The following DYNC2H1 variants were observed in gnomAD, a reference collection of about 807,000 sequenced individuals.
DYNC2H1 encodes dynein cytoplasmic 2 heavy chain 1, also known as cytoplasmic dynein 2 heavy chain 1.
DYNC2H1 carries 410 observed loss-of-function variants against 570.0 expected under a neutral mutation model. The ratio of observed to expected loss-of-function variants is 0.72; its 90% CI spans 0.66 to 0.78. The LOEUF (loss-of-function observed/expected upper bound fraction) is 0.78, where lower values mean the gene tolerates loss of function less well. DYNC2H1 is among the 30% of genes least tolerant of loss of function. The pLI is 0.00. For synonymous variants in DYNC2H1, 1,688 were observed against 1,677.6 expected, an observed-to-expected ratio of 1.01 and a Z score of -0.15; for missense variants, 4,865 against 5,046.4, an observed-to-expected ratio of 0.96 and a Z score of 1.09.
chr11:103,323,380 A>G lies in DYNC2H1; in HGVS notation c.11935-506A>G, dbSNP rs558608902. On this transcript the variant is annotated intron_variant, in intron 81 of 88. Coordinates refer to ENST00000375735, the MANE Select transcript of DYNC2H1 (RefSeq NM_001377.3). ...ACTGAAGACTAACTGGAATTGCTCTATTATAAAGCAATTTACAAAGCAGTG... is the reference window on the plus strand; with the variant it reads ...ACTGAAGACTAACTGGAATTGCTCTGTTATAAAGCAATTTACAAAGCAGTG... Among the ~76,000 whole-genome samples the G allele has an allele frequency of 3.5e-4, 52 of 147,800 alleles. 1 individual carries two copies. In the South Asian group the frequency reaches 0.011, roughly 32 times the overall value.
In DYNC2H1 at chr11:103,261,839, G is replaced by A. The variant is rs1427223505; in HGVS notation, c.10695+1862G>A. ...TGCCAGCAAGGGAACAAAACTGGAC[G>A]GAGAATGAGTTTGATGAACTGACAG... On this transcript the variant is annotated intron_variant, in intron 70 of 88. Coordinates refer to ENST00000375735, the MANE Select transcript of DYNC2H1 (RefSeq NM_001377.3). This position sits in a 1 kb window ranked among gnomAD's most constrained non-coding sequence, Gnocchi z 4.8. Among the ~76,000 whole-genome samples the A allele has an allele frequency of 6.6e-6, 1 of 152,230 alleles. No homozygotes were observed. Among genetic ancestry groups the A allele is most frequent in the South Asian group, 2.1e-4 (1 of 4,822 alleles).
In DYNC2H1 at chr11:103,156,502, C is replaced by G. The variant is rs756002632; in HGVS notation, c.3859C>G (p.Arg1287Gly). The change falls in exon 26 of 89, where the codon CGA (arginine) becomes GGA (glycine). Residue 1287 changes from arginine to glycine, a missense_variant. By Grantham distance (125) the Arg-to-Gly change is moderately radical (BLOSUM62 -2). This residue lies in a region of DYNC2H1 where 1,936 missense variants were observed against 1,962.1 expected (regional missense o/e 0.99). Transcript: ENST00000375735. Reference protein sequence around the residue: ...TLIDYEDSQSRTMKLIKDWKD... With the variant: ...TLIDYEDSQSGTMKLIKDWKD... ...AATTGATTATGAAGACAGCCAAAGT[C>G]GAACTATGAAGCTGATTAAAGACTG... 6.2e-7 allele frequency: 1 copy of G among 1,613,518 alleles called. No homozygotes were observed. Among genetic ancestry groups the G allele is most frequent in the East Asian group, 2.2e-5 (1 of 44,852 alleles).
intron 6 of DYNC2H1, among the ~76,000 whole-genome samples, chr11:103,119,578 C>T (rs1858592557): frequency 6.6e-6 from 1 of 152,060 alleles, no homozygotes; most frequent in Admixed American, 6.6e-5. Context: ...GACCTCAGGT[C>T]ATCCGCCCAC....
intron 69 of DYNC2H1, among the ~76,000 whole-genome samples, chr11:103,259,274 C>A (rs1053080814): frequency 6.6e-6 from 1 of 152,160 alleles, no homozygotes; most frequent in East Asian, 1.9e-4. Context: ...ACAACCTACC[C>A]TTCCTCCATT....
intron 81 of DYNC2H1, among the ~76,000 whole-genome samples, chr11:103,322,735 A>T (rs1938278650): frequency 6.6e-6 from 1 of 152,196 alleles, no homozygotes; most frequent in Non-Finnish European, 1.5e-5. Context: ...CTCTACAAAG[A>T]GTAAATATTT....
At chr11:103,285,368 T>A (rs1866302195) in intron 73 of DYNC2H1, among the ~76,000 whole-genome samples, 1 of 151,788 alleles carries the variant, frequency 6.6e-6, no homozygotes, top group Non-Finnish European at 1.5e-5. Context: ...ATCAAGATGA[T>A]CAGACACCAA....
chr11:103,343,537 C>G (rs1939584763), intron 82 of DYNC2H1, among the ~76,000 whole-genome samples: 1 of 152,110 alleles, frequency 6.6e-6, no homozygotes, highest in Non-Finnish European at 1.5e-5. Flanking sequence ...AGGATCCCCC[C>G]TCAGGCAAGC....
chr11:103,230,696 T>A (rs1591444447), intron 59 of DYNC2H1, among the ~76,000 whole-genome samples: 2 of 152,178 alleles, frequency 1.3e-5, no homozygotes, highest in African/African-American at 4.8e-5. Flanking sequence ...GCATTTTAGC[T>A]TTTGGCTTTT....
intron 82 of DYNC2H1, among the ~76,000 whole-genome samples, chr11:103,327,445 T>G (rs1938555962): frequency 6.6e-6 from 1 of 152,148 alleles, no homozygotes; most frequent in Admixed American, 6.6e-5. Context: ...AAAAAGTTAT[T>G]TCATAGGCTC....
intron 75 of DYNC2H1, 165 bp downstream of exon 75, chr11:103,287,770 G>A (rs562823219): frequency 1.1e-5 from 7 of 638,750 alleles, no homozygotes; most frequent in South Asian, 5.8e-5. Flanking sequence ...AATAATTCTC[G>A]GCTGGGCATG....
chr11:103,172,294 C>A (rs941273864), intron 34 of DYNC2H1, among the ~76,000 whole-genome samples: 1 of 152,056 alleles, frequency 6.6e-6, no homozygotes, highest in South Asian at 2.1e-4. Context: ...AATCTTTTCA[C>A]CTGTACTTTG....
rs1415733768 is a variant in DYNC2H1, at chr11:103,316,546, G to A, written c.11651G>A (p.Gly3884Asp). ...CQERRNYIPQ[G>D]WTKFYEFSLS... is the part of the protein sequence containing the mutation. ...CTTAAAAAAATTGTTTTTTGACAGG[G>A]TTGGACAAAGTTTTATGAATTTTCT... The change falls in exon 80 of 89, where the codon GGT becomes GAT. Residue 3884 changes from glycine to aspartate, a missense_variant and splice_region_variant. Around this residue, in one of 5 missense-constraint regions of DYNC2H1, gnomAD observed 2,401 missense variants for 2,454.6 expected, o/e 0.98. Coordinates refer to ENST00000375735, the MANE Select transcript of DYNC2H1 (RefSeq NM_001377.3). The A allele has an allele frequency of 3.2e-6, 5 of 1,547,450 alleles. No homozygotes were observed. Among genetic ancestry groups the A allele is most frequent in the African/African-American group, 2.8e-5 (2 of 72,576 alleles).
chr11:103,113,260 C>CT (rs1858199936), intron 1 of DYNC2H1, among the ~76,000 whole-genome samples: 2 of 152,030 alleles, frequency 1.3e-5, no homozygotes, highest in South Asian at 4.2e-4. Context: ...GGAATGGAAT[C>CT]TGACTGGAAT....
At chr11:103,266,648 T>G (rs1261872887) in intron 70 of DYNC2H1, among the ~76,000 whole-genome samples, 1 of 152,064 alleles carries the variant, frequency 6.6e-6, no homozygotes, top group Non-Finnish European at 1.5e-5. Context: ...ACCGCAAAGA[T>G]GTGTGGAGTT....
chr11:103,350,962 CA>C (rs1940024036), intron 82 of DYNC2H1, among the ~76,000 whole-genome samples: 1 of 152,156 alleles, frequency 6.6e-6, no homozygotes, highest in Non-Finnish European at 1.5e-5. Flanking sequence ...TATTTATGGA[CA>C]TTTAGTCCAT....
intron 70 of DYNC2H1, 72 bp downstream of exon 70, chr11:103,260,049 A>ATTTATAAATATATATATTTATAAATATAT: frequency 6.1e-5 from 55 of 898,804 alleles, no homozygotes; most frequent in South Asian, 1.9e-4. Flanking sequence ...TTATAGTTAT[A>ATTTATAAATATATATATTTATAAATATAT]GTATAACTCT....
At chr11:103,416,301 A>T (rs1313516534) in intron 84 of DYNC2H1, among the ~76,000 whole-genome samples, 1 of 152,066 alleles carries the variant, frequency 6.6e-6, no homozygotes, top group Non-Finnish European at 1.5e-5. Flanking sequence ...AACTATAATA[A>T]TAATAATTAA....
chr11:103,176,116 GT>G lies in DYNC2H1; in HGVS notation c.5675-117del, dbSNP rs1184824080. ...TTCATGTGATGTAATGTCTTTAAATGTTACTAAATTCTAGTGCATTTAATGA... is the reference window on the plus strand; with the variant it reads ...TTCATGTGATGTAATGTCTTTAAATGTACTAAATTCTAGTGCATTTAATGA... On this transcript the variant is annotated intron_variant, in intron 36 of 88. Transcript: ENST00000375735. The G allele has an allele frequency of 1.9e-5, 14 of 728,000 alleles. No homozygotes were observed. The South Asian group carries it at 3.1e-4, about 16-fold the overall frequency. 45.1% of individuals were successfully genotyped at this position (728,000 alleles called of 1,614,324 possible).
intron 12 of DYNC2H1, among the ~76,000 whole-genome samples, chr11:103,128,568 T>C (rs895909036): frequency 8.5e-5 from 13 of 152,216 alleles, no homozygotes; most frequent in East Asian, 3.8e-4. Flanking sequence ...AGGAGCAGAT[T>C]TGGAGAAGTG....
Sources: gnomAD v4.1 joint callset for allele counts (sites outside exome capture counted in the v4.1 genomes callset) on GRCh38, gnomAD v4.1.1 for gene constraint, gnomAD v4.1.1 regional missense constraint, Gnocchi (gnomAD v3.1) non-coding constraint, MANE v1.5 for transcripts, NCBI Gene and HGNC (gene_info 2026-07-23, HGNC 2026-07-21) for gene names.